CCDC191: variants seen among roughly 807,000 people sequenced by gnomAD.
CCDC191 encodes coiled-coil domain containing 191.
In CCDC191, 99 loss-of-function variants were observed where a neutral mutation model predicts 114.0. The ratio of observed to expected loss-of-function variants is 0.87; its 90% CI spans 0.74 to 1.03. The LOEUF (loss-of-function observed/expected upper bound fraction) is 1.03, where lower values mean the gene tolerates loss of function less well. Among genes scored for constraint, CCDC191 ranks in the 50% least tolerant of loss-of-function variants. CCDC191 has a pLI of 0.00. For missense variants in CCDC191, 973 were observed against 1,087.0 expected (o/e 0.90, Z 1.47); for synonymous variants, 351 against 376.0 (o/e 0.93, Z 0.77).
rs145541391 is a variant in CCDC191 at position 114,004,049 on chromosome 3, C to G, written c.1978+588G>C. 1.5e-3 allele frequency: 1,473 copies of G among 968,832 alleles called. 17 individuals carry two copies. The African/African-American group carries it at 0.017, about 11-fold the overall frequency. The allele number at this position is 968,832 out of a possible 1,614,324, so 60.0% of individuals were successfully genotyped here. A position where few individuals can be genotyped will look rare whatever the true frequency, so the allele number is the denominator to read the frequency against. On this transcript the variant is annotated intron_variant, in intron 11 of 16. Transcript: ENST00000295878. ...CTAGGGATGTTGAGGTGGGAGGACT[C>G]CTTGAGGCCAGGAGTTTGAGACCAG... is the stretch of plus-strand genomic sequence containing the variant.
At chr3:113,979,889 T>A (rs1168547592) in intron 14 of CCDC191, among the ~76,000 whole-genome samples, 1 of 152,214 alleles carries the variant, frequency 6.6e-6, no homozygotes, top group African/African-American at 2.4e-5. Flanking sequence ...TGGATAAATT[T>A]GTTAGGGAAA....
intron 13 of CCDC191, among the ~76,000 whole-genome samples, chr3:113,991,267 C>A (rs561424907): frequency 3.9e-4 from 56 of 142,432 alleles, no homozygotes; most frequent in East Asian, 2.6e-3. Context: ...AACCCCCCCC[C>A]CCAAAAACCA....
At chr3:114,031,809 T>A in intron 6 of CCDC191, 30 bp from the exon 7 acceptor site, 1 of 959,208 alleles carries the variant, frequency 1.0e-6, no homozygotes, top group Non-Finnish European at 1.6e-6. Flanking sequence ...AATACATGTA[T>A]ATTTACAATA....
At chr3:114,048,094 C>T (rs2076654322) in intron 2 of CCDC191, among the ~76,000 whole-genome samples, 1 of 152,164 alleles carries the variant, frequency 6.6e-6, no homozygotes, top group Non-Finnish European at 1.5e-5. Flanking sequence ...CAACTACATT[C>T]CTCAGGATGA....
At chr3:114,013,472 C>T (rs62267067) in intron 8 of CCDC191, among the ~76,000 whole-genome samples, 17,135 of 152,004 alleles carry the variant, frequency 0.11, 1,173 homozygotes, top group Admixed American at 0.19. Context: ...TTTCTAAAAG[C>T]GAAAAATCAC....
chr3:114,047,157 T>G (rs1300206067), intron 2 of CCDC191: 2 of 977,388 alleles, frequency 2.0e-6, no homozygotes, highest in Non-Finnish European at 2.4e-6. Context: ...TTAGTACTCC[T>G]GAAGGAAATC....
intron 7 of CCDC191, among the ~76,000 whole-genome samples, chr3:114,019,499 T>G (rs930408670): frequency 1.3e-5 from 2 of 152,142 alleles, no homozygotes; most frequent in Admixed American, 1.3e-4. Context: ...CCTAAGGATG[T>G]CCCCAAAGCA....
intron 3 of CCDC191, among the ~76,000 whole-genome samples, chr3:114,044,964 G>A (rs1164099062): frequency 1.3e-5 from 2 of 152,074 alleles, no homozygotes; most frequent in East Asian, 3.8e-4. Flanking sequence ...ATAAACCTTT[G>A]AAAACCATGT....
rs773288014 is a variant in CCDC191, at chr3:114,034,950, G to A, written c.793C>T (p.Arg265Cys). Reference protein sequence around the residue: ...KLRREIIERRRTVKAAWKIEK... With the variant: ...KLRREIIERRCTVKAAWKIEK... ...ATTTTCCATGCTGCTTTCACAGTGC[G>A]TCTCCTCTCAATTATCTCCCTCCGC... The change falls in exon 6 of 17, where the codon CGC becomes TGC. Residue 265 changes from arginine (R) to cysteine (C), a missense_variant. Physicochemically the swap from Arg to Cys is radical, Grantham distance 180 (BLOSUM62 -3). Transcript: ENST00000295878. 47 of 1,613,760 alleles carry A rather than the reference G, an allele frequency of 2.9e-5. No individual in the cohort carries two copies. The Admixed American group carries it at 4.0e-4, about 14-fold the overall frequency.
chr3:114,040,309 C>T (rs939786102), intron 4 of CCDC191, among the ~76,000 whole-genome samples: 5 of 152,118 alleles, frequency 3.3e-5, no homozygotes, highest in African/African-American at 1.2e-4. Flanking sequence ...CCTAATGATG[C>T]ATTTTGCAGG....
At chr3:114,012,199 AT>A (rs1419976646) in intron 8 of CCDC191, among the ~76,000 whole-genome samples, 1 of 151,226 alleles carries the variant, frequency 6.6e-6, no homozygotes, top group East Asian at 1.9e-4. Flanking sequence ...GTAAGAAAAA[AT>A]GTCACATTGT....
intron 16 of CCDC191, among the ~76,000 whole-genome samples, chr3:113,969,037 GA>G (rs750527580): frequency 2.6e-5 from 4 of 152,154 alleles, no homozygotes; most frequent in Non-Finnish European, 4.4e-5. Context: ...AATGGCAAGA[GA>G]GGAAAGCAAA....
Position 114,053,615 on chromosome 3 carries a change from A to C in CCDC191, c.111T>G (p.Ser37Arg). The change falls in exon 2 of 17, where the codon AGT becomes AGG. Residue 37 changes from serine (S) to arginine (R), a missense_variant. By Grantham distance (110) the Ser-to-Arg change is moderately radical. Transcript: ENST00000295878. Reference sequence around the variant, plus strand: ...TCCTTACCTTTATCCAGTGTTCCACACTGTCAGGACCAAAAGTAGGCTGTA... The same window carrying C: ...TCCTTACCTTTATCCAGTGTTCCACCCTGTCAGGACCAAAAGTAGGCTGTA... ...PSPKPTFGPD[S>R]VEHWIKRVEK... 1.3e-6 allele frequency: 2 copies of C among 1,589,272 alleles called. No homozygotes were observed. Among genetic ancestry groups the C allele is most frequent in the Non-Finnish European group, 8.6e-7 (1 of 1,160,340 alleles).
intron 3 of CCDC191, among the ~76,000 whole-genome samples, chr3:114,045,332 CTT>C (rs1298298101): frequency 5.3e-5 from 8 of 152,042 alleles, no homozygotes; most frequent in African/African-American, 1.2e-4. Flanking sequence ...CCTTTTCTCT[CTT>C]TTTCTCCCCT....
chr3:114,030,289 T>G (rs551701334), intron 7 of CCDC191, among the ~76,000 whole-genome samples: 121 of 152,326 alleles, frequency 7.9e-4, no homozygotes, highest in African/African-American at 2.7e-3. Flanking sequence ...ACAGTGGACT[T>G]CAATACAATT....
intron 7 of CCDC191, among the ~76,000 whole-genome samples, chr3:114,031,381 A>AC (rs749181221): frequency 6.6e-6 from 1 of 152,012 alleles, no homozygotes; most frequent in Non-Finnish European, 1.5e-5. Flanking sequence ...TCCACAATTT[A>AC]CCCCCCTCAC....
Position 114,046,479 on chromosome 3 carries a change from G to GAA in CCDC191, c.271+110_271+111dup, listed in dbSNP as rs1360409096. ...TAAAATAGTTTCAGGGGAGTAGAAA[G>GAA]AAAGGGAAATTAAGAACAAGAGTAA... is the stretch of plus-strand genomic sequence containing the variant. On this transcript the variant is annotated intron_variant, in intron 3 of 16. Transcript: ENST00000295878. 1.2e-5 allele frequency: 9 copies of GAA among 739,662 alleles called. No individual in the cohort carries two copies. In the Admixed American group the frequency reaches 1.8e-4, roughly 15 times the overall value. 45.8% of individuals were successfully genotyped at this position (739,662 alleles called of 1,614,324 possible). A position where few individuals can be genotyped will look rare whatever the true frequency, so the allele number is the denominator to read the frequency against.
At position 114,045,257 on chromosome 3, in the gene CCDC191, A is replaced by C. The variant is rs562975272; in HGVS notation, c.271+1334T>G. Among the ~76,000 whole-genome samples, 6 of 152,202 alleles carry C rather than the reference A, an allele frequency of 3.9e-5. No homozygotes were observed. In the South Asian group the frequency reaches 1.2e-3, roughly 32 times the overall value. On this transcript the variant is annotated intron_variant, in intron 3 of 16. Coordinates refer to ENST00000295878, the MANE Select transcript of CCDC191 (RefSeq NM_020817.2). ...CCTTTCTCTAGCTCCAGTACTATCA[A>C]CCACTCTAAACCACTCACCATTACT...
chr3:113,985,092 T>C (rs1278974500), intron 13 of CCDC191, among the ~76,000 whole-genome samples: 1 of 152,096 alleles, frequency 6.6e-6, no homozygotes, highest in Non-Finnish European at 1.5e-5. Context: ...CATGAGAAGG[T>C]TGAAGCTCCT....
Sources: gnomAD v4.1 joint callset for allele counts (sites outside exome capture counted in the v4.1 genomes callset) on GRCh38, gnomAD v4.1.1 for gene constraint, MANE v1.5 for transcripts, NCBI Gene and HGNC (gene_info 2026-07-23, HGNC 2026-07-21) for gene names.